The following CPE variants were observed in gnomAD, a reference collection of about 807,000 sequenced individuals.
CPE encodes the protein carboxypeptidase E, also known as carbocypeptidase E.
A neutral mutation model predicts 53.5 loss-of-function variants in CPE; 17 were observed. The ratio of observed to expected loss-of-function variants is 0.32; its 90% CI spans 0.22 to 0.48. The LOEUF is 0.48. CPE is among the 20% of genes least tolerant of loss of function. The probability of loss-of-function intolerance (pLI) is 0.99; values close to 1 mark genes in which losing one functional copy is unlikely to be tolerated. For synonymous variants in CPE, 226 were observed against 228.8 expected, an observed-to-expected ratio of 0.99 and a Z score of 0.11; for missense variants, 524 against 614.7, an observed-to-expected ratio of 0.85 and a Z score of 1.56.
intron 1 of CPE, among the ~76,000 whole-genome samples, chr4:165,392,762 G>A (rs927022366): frequency 3.8e-4 from 56 of 147,584 alleles, no homozygotes; most frequent in Non-Finnish European, 7.3e-4. Context: ...AGCCTCAAAG[G>A]ACAACACCCC....
At chr4:165,397,824 T>A (rs1020228488) in intron 1 of CPE, among the ~76,000 whole-genome samples, 1 of 151,568 alleles carries the variant, frequency 6.6e-6, no homozygotes, top group Non-Finnish European at 1.5e-5. Context: ...GAGGATTGCT[T>A]GAGGCCAGAA....
At chr4:165,407,706 C>T (rs1170395542) in intron 1 of CPE, among the ~76,000 whole-genome samples, 2 of 152,048 alleles carry the variant, frequency 1.3e-5, no homozygotes, top group Non-Finnish European at 2.9e-5. Flanking sequence ...CACCACCACA[C>T]CTGGCTAATT....
rs770001722 is a variant in CPE, at chr4:165,486,574, C to T, written c.974-864C>T. Among the ~76,000 whole-genome samples the T allele has an allele frequency of 4.6e-5, 7 of 152,232 alleles. No individual in the cohort carries two copies. In the South Asian group the frequency reaches 6.2e-4, roughly 14 times the overall value. ...GATGATTACAAGATGAAAGGGTACACGCCTCCCCCATATTTTGCCCACAGG... is the reference window on the plus strand; with the variant it reads ...GATGATTACAAGATGAAAGGGTACATGCCTCCCCCATATTTTGCCCACAGG... On this transcript the variant is annotated intron_variant, in intron 5 of 8. Transcript: ENST00000402744.
rs1457701575 is a variant in CPE, at chr4:165,381,357, A to C, written c.307+1829A>C. 1.5e-5 allele frequency: 7 copies of C among 455,276 alleles called. No individual in the cohort carries two copies. The Admixed American group carries it at 1.7e-4, about 11-fold the overall frequency. 28.2% of individuals were successfully genotyped at this position (455,276 alleles called of 1,614,324 possible). ...TGGCACACAGCGGGCTTGAATATACATTATGAAATAATCTACATTATGGAA... is the reference window on the plus strand; with the variant it reads ...TGGCACACAGCGGGCTTGAATATACCTTATGAAATAATCTACATTATGGAA... On this transcript the variant is annotated intron_variant, in intron 1 of 8. Transcript: ENST00000402744.
chr4:165,443,634 T>C (rs1201319618), intron 1 of CPE, among the ~76,000 whole-genome samples: 1 of 152,180 alleles, frequency 6.6e-6, no homozygotes, highest in Non-Finnish European at 1.5e-5. Flanking sequence ...TCTCTTCTTA[T>C]AAGGACACCA....
At chr4:165,438,745 T>G (rs894177893) in intron 1 of CPE, among the ~76,000 whole-genome samples, 6 of 152,192 alleles carry the variant, frequency 3.9e-5, no homozygotes, top group Admixed American at 3.3e-4. Flanking sequence ...TAGTAAGGAT[T>G]GTAAAGGCTA....
Position 165,472,493 on chromosome 4 carries a change from G to T in CPE, c.672+4638G>T, listed in dbSNP as rs190800827. Among the ~76,000 whole-genome samples the T allele has an allele frequency of 4.2e-3, 644 of 152,280 alleles. 2 individuals carry two copies. The highest frequency in any genetic ancestry group is 6.8e-3 in the Non-Finnish European group (464 of 68,016). ...AATTATTACTGACAATGTATACTAA[G>T]TTATATCAGAATTATAGGAGCTTTG... On this transcript the variant is annotated intron_variant, in intron 3 of 8. Coordinates refer to ENST00000402744, the MANE Select transcript of CPE (RefSeq NM_001873.4).
chr4:165,469,251 C>T (rs999044481), intron 3 of CPE, among the ~76,000 whole-genome samples: 3 of 152,172 alleles, frequency 2.0e-5, no homozygotes, highest in Non-Finnish European at 4.4e-5. Flanking sequence ...TGAAGAACTG[C>T]TGTCAGCAGC....
chr4:165,420,192 A>G (rs1946818), intron 1 of CPE, among the ~76,000 whole-genome samples: 44,922 of 151,966 alleles, frequency 0.3, 6,729 homozygotes, highest in Middle Eastern at 0.39. Context: ...GAAGGTCTTC[A>G]TATCATGTTA....
At chr4:165,394,118 T>G (rs1163456957) in intron 1 of CPE, among the ~76,000 whole-genome samples, 1 of 151,880 alleles carries the variant, frequency 6.6e-6, no homozygotes, top group African/African-American at 2.4e-5. Context: ...AAGAGAAACT[T>G]TGGGGAAACA....
chr4:165,487,805 C>T (rs774524885), intron 6 of CPE, among the ~76,000 whole-genome samples: 16 of 152,026 alleles, frequency 1.1e-4, no homozygotes, highest in Non-Finnish European at 1.6e-4. Context: ...ACAGAAAAGA[C>T]GTAGACTCTC....
chr4:165,477,954 C>T (rs565196025), intron 3 of CPE, among the ~76,000 whole-genome samples: 4 of 152,274 alleles, frequency 2.6e-5, no homozygotes, highest in African/African-American at 4.8e-5. Context: ...TTCTCTAAGT[C>T]GTTTGTCATC....
intron 3 of CPE, among the ~76,000 whole-genome samples, chr4:165,468,435 G>T (rs185934242): frequency 3.5e-4 from 54 of 152,294 alleles, no homozygotes; most frequent in Non-Finnish European, 6.3e-4. Flanking sequence ...CTTCCACAGA[G>T]ATTTATGTCT....
intron 1 of CPE, among the ~76,000 whole-genome samples, chr4:165,457,759 T>C (rs1464752482): frequency 6.6e-6 from 1 of 152,214 alleles, no homozygotes; most frequent in African/African-American, 2.4e-5. Flanking sequence ...GAAGAGAGAA[T>C]ATAATGCTGT....
rs1730934489 is a variant in CPE at position 165,405,258 on chromosome 4, C to CA, written c.307+25731dup. The CA allele has an allele frequency of 8.9e-6, 8 of 897,662 alleles. No homozygotes were observed. In the South Asian group the frequency reaches 9.1e-5, roughly 10 times the overall value. 55.6% of individuals were successfully genotyped at this position (897,662 alleles called of 1,614,324 possible). Reference sequence around the variant, plus strand: ...GCAATGCCTGCTCCCATCATCCCTGCACCAGGAATAGCCAGATGCTTAACA... The same window carrying CA: ...GCAATGCCTGCTCCCATCATCCCTGCAACCAGGAATAGCCAGATGCTTAACA... On this transcript the variant is annotated intron_variant, in intron 1 of 8. Coordinates refer to ENST00000402744, the MANE Select transcript of CPE (RefSeq NM_001873.4).
chr4:165,489,689 GA>G (rs1331013517), intron 6 of CPE, among the ~76,000 whole-genome samples: 3 of 151,924 alleles, frequency 2.0e-5, no homozygotes, highest in South Asian at 4.2e-4. Flanking sequence ...TAGTTCTTGA[GA>G]AAAAAAATAA....
chr4:165,401,371 C>T (rs1019716288), intron 1 of CPE, among the ~76,000 whole-genome samples: 5 of 152,210 alleles, frequency 3.3e-5, no homozygotes, highest in African/African-American at 1.2e-4. Context: ...GCCTAGTACA[C>T]TTTTACTATA....
chr4:165,481,176 G>A (rs889070709), intron 3 of CPE, among the ~76,000 whole-genome samples: 1 of 152,082 alleles, frequency 6.6e-6, no homozygotes, highest in African/African-American at 2.4e-5. Context: ...GAAACAGCGT[G>A]AGCCTTAGGG....
intron 4 of CPE, among the ~76,000 whole-genome samples, chr4:165,483,317 A>G (rs1183211151): frequency 1.3e-5 from 2 of 152,126 alleles, no homozygotes; most frequent in Admixed American, 6.6e-5. Flanking sequence ...AAAATACATG[A>G]TTTCATTCTT....
Sources: allele counts gnomAD v4.1 joint callset (sites outside exome capture counted in the v4.1 genomes callset), GRCh38; gene constraint gnomAD v4.1.1; transcripts MANE v1.5; gene names NCBI Gene and HGNC (gene_info 2026-07-23, HGNC 2026-07-21).